Variants in HECW1 observed in about 807,000 individuals in gnomAD.
HECW1 encodes the protein E3 ubiquitin-protein ligase HECW1.
HECW1 carries 61 observed loss-of-function variants against 182.3 expected under a neutral mutation model. The ratio of observed to expected loss-of-function variants is 0.33; its 90% CI spans 0.27 to 0.41. The LOEUF (loss-of-function observed/expected upper bound fraction) is 0.41, where lower values mean the gene tolerates loss of function less well. HECW1 is among the 10% of genes least tolerant of loss of function. The probability of loss-of-function intolerance (pLI) is 1.00; values close to 1 mark genes in which losing one functional copy is unlikely to be tolerated. For synonymous variants in HECW1, 859 were observed against 832.6 expected (o/e 1.03, Z -0.55); for missense variants, 1,739 against 2,108.9 (o/e 0.82, Z 3.44).
intron 27 of HECW1, among the ~76,000 whole-genome samples, chr7:43,550,867 G>A (rs762791629): frequency 6.6e-6 from 1 of 152,236 alleles, no homozygotes; most frequent in South Asian, 2.1e-4. Context: ...CGTGCCAGAC[G>A]TGAAAACATC....
chr7:43,337,195 GCCAACATC>G (rs1812405085), intron 5 of HECW1, among the ~76,000 whole-genome samples: 1 of 152,082 alleles, frequency 6.6e-6, no homozygotes, highest in Admixed American at 6.6e-5. Flanking sequence ...CTGCAACCAT[GCCAACATC>G]CATTGTTTTT....
At chr7:43,187,042 A>T (rs73099645) in intron 2 of HECW1, among the ~76,000 whole-genome samples, 1 of 151,994 alleles carries the variant, frequency 6.6e-6, no homozygotes, top group African/African-American at 2.4e-5. Context: ...TCAGTCTCTC[A>T]TGAGGTTGCA....
intron 2 of HECW1, among the ~76,000 whole-genome samples, chr7:43,116,301 C>G (rs1785043665): frequency 6.6e-6 from 1 of 152,182 alleles, no homozygotes; most frequent in African/African-American, 2.4e-5. Context: ...TTCTGTCTTG[C>G]TCTGGCCTTA....
At chr7:43,185,699 A>G (rs1354955421) in intron 2 of HECW1, among the ~76,000 whole-genome samples, 1 of 152,220 alleles carries the variant, frequency 6.6e-6, no homozygotes, top group Non-Finnish European at 1.5e-5. Flanking sequence ...TATATTTAAT[A>G]GTAGAATTTC....
chr7:43,152,760 C>G (rs1789474623), intron 2 of HECW1, among the ~76,000 whole-genome samples: 1 of 152,136 alleles, frequency 6.6e-6, no homozygotes, highest in Admixed American at 6.5e-5. Flanking sequence ...GTGGAGCTCA[C>G]TTCATTCCGG....
At position 43,444,195 on chromosome 7, in the gene HECW1, C is replaced by A; in HGVS notation, c.1046-23C>A. ...CAATGCTCTCTTCTGGGAGAAATGA[C>A]ATATTTTTCTTCTTACCAGCAGATG... is the stretch of plus-strand genomic sequence containing the variant. On this transcript the variant is annotated intron_variant, in intron 10 of 29. Coordinates refer to ENST00000395891, the MANE Select transcript of HECW1 (RefSeq NM_015052.5). This position sits in a 1 kb window ranked among gnomAD's most constrained non-coding sequence, Gnocchi z 4.3. 2 of 1,578,982 alleles carry A rather than the reference C, an allele frequency of 1.3e-6. No homozygotes were observed. Among genetic ancestry groups the A allele is most frequent in the Non-Finnish European group, 1.7e-6 (2 of 1,160,126 alleles).
chr7:43,152,194 A>G (rs1178113060), intron 2 of HECW1, among the ~76,000 whole-genome samples: 1 of 45,684 alleles, frequency 2.2e-5, no homozygotes, highest in Non-Finnish European at 3.9e-5. Context: ...GTTAATGCAT[A>G]ATTTCTGGGA....
chr7:43,196,936 T>C lies in HECW1; in HGVS notation c.-31-46939T>C, dbSNP rs539915715. Among the ~76,000 whole-genome samples, 41 of 152,300 alleles carry C rather than the reference T, an allele frequency of 2.7e-4. No individual in the cohort carries two copies. The South Asian group carries it at 8.3e-3, about 31-fold the overall frequency. On this transcript the variant is annotated intron_variant, in intron 2 of 29. Coordinates refer to ENST00000395891, the MANE Select transcript of HECW1 (RefSeq NM_015052.5). Reference sequence around the variant, plus strand: ...TGAGCCATTTTTTTAAGTATATACATGGTAGTGTGTGCATCATATTCATTT... The same window carrying C: ...TGAGCCATTTTTTTAAGTATATACACGGTAGTGTGTGCATCATATTCATTT...
intron 27 of HECW1, among the ~76,000 whole-genome samples, chr7:43,550,815 A>G (rs2081790396): frequency 6.6e-6 from 1 of 152,210 alleles, no homozygotes; most frequent in South Asian, 2.1e-4. Flanking sequence ...CTCAACTCTT[A>G]TGGGTGAAAA....
At position 43,136,070 on chromosome 7, in the gene HECW1, C is replaced by CT. The variant is rs60008296; in HGVS notation, c.-32+21689dup. ...AATTGCACTCCCTATCTGTATTCAACTTTTTTTTTTCTCAGTTTATTCACC... is the reference window on the plus strand; with the variant it reads ...AATTGCACTCCCTATCTGTATTCAACTTTTTTTTTTTCTCAGTTTATTCACC... On this transcript the variant is annotated intron_variant, in intron 2 of 29. Coordinates refer to ENST00000395891, the MANE Select transcript of HECW1 (RefSeq NM_015052.5). Among the ~76,000 whole-genome samples the CT allele has an allele frequency of 0.015, 2,274 of 147,054 alleles. 250 individuals are homozygous for CT. In the East Asian group the frequency reaches 0.29, roughly 19 times the overall value.
chr7:43,364,797 G>A lies in HECW1; in HGVS notation c.555+3817G>A, dbSNP rs140216828. 1.5e-3 allele frequency among the ~76,000 whole-genome samples: 236 copies of A among 152,288 alleles called. 1 individual carries two copies. The East Asian group carries it at 0.036, about 23-fold the overall frequency. ...GTGTCTTATTAGTAGCACCTATCAC[G>A]TTTTATGTCTTTCTTTTATTTTCTG... On this transcript the variant is annotated intron_variant, in intron 6 of 29. Coordinates refer to ENST00000395891, the MANE Select transcript of HECW1 (RefSeq NM_015052.5).
At chr7:43,113,142 C>T (rs1008008724) in intron 1 of HECW1, among the ~76,000 whole-genome samples, 1 of 152,134 alleles carries the variant, frequency 6.6e-6, no homozygotes, top group South Asian at 2.1e-4. Flanking sequence ...CCGGCATCCC[C>T]GGGTGGCGAC....
Position 43,438,001 on chromosome 7 carries a change from A to T in HECW1, c.802-2A>T. 6.2e-7 allele frequency: 1 copy of T among 1,613,998 alleles called. No individual in the cohort carries two copies. The highest frequency in any genetic ancestry group is 8.5e-7 in the Non-Finnish European group (1 of 1,179,936). On this transcript the variant is annotated splice_acceptor_variant, in intron 8 of 29. Transcript: ENST00000395891. LOFTEE classifies it high-confidence loss of function. ...TTGATGTGACATATTCTTTCATTGC[A>T]GCAATTCAGTTTTGTGTCCTTGCCC...
chr7:43,502,567 C>T (rs536831331), intron 21 of HECW1, among the ~76,000 whole-genome samples: 8 of 152,100 alleles, frequency 5.3e-5, no homozygotes, highest in Non-Finnish European at 8.8e-5. Flanking sequence ...GAGGCTAAGG[C>T]GGGATCTCTT....
chr7:43,336,141 TCTTTCTC>T (rs1812205688), intron 5 of HECW1, among the ~76,000 whole-genome samples: 2 of 64,582 alleles, frequency 3.1e-5, no homozygotes, highest in Non-Finnish European at 5.8e-5. Context: ...TCTCTCTCTC[TCTTTCTC>T]TCTCTCTCTC....
intron 2 of HECW1, among the ~76,000 whole-genome samples, chr7:43,137,125 A>G (rs966066641): frequency 6.6e-6 from 1 of 152,084 alleles, no homozygotes; most frequent in Non-Finnish European, 1.5e-5. Context: ...CCTCCTTTCC[A>G]TTCTCACTGC....
chr7:43,450,109 T>C (rs2077183471), intron 11 of HECW1, among the ~76,000 whole-genome samples: 1 of 152,224 alleles, frequency 6.6e-6, no homozygotes, highest in Admixed American at 6.5e-5. Context: ...TGAGCTTTCC[T>C]GTCGCCGTCT....
intron 24 of HECW1, among the ~76,000 whole-genome samples, chr7:43,526,803 C>G (rs769347877): frequency 6.6e-6 from 1 of 152,160 alleles, no homozygotes; most frequent in Non-Finnish European, 1.5e-5. Context: ...GAGTTTGAGA[C>G]TACCCTGGGC....
intron 2 of HECW1, among the ~76,000 whole-genome samples, chr7:43,222,243 A>T (rs577750951): frequency 2.6e-5 from 4 of 152,210 alleles, no homozygotes; most frequent in Admixed American, 2.0e-4. Flanking sequence ...GCCTGGATCC[A>T]TTCAGAGAAC....
Sources: allele counts gnomAD v4.1 joint callset (sites outside exome capture counted in the v4.1 genomes callset), GRCh38; gene constraint gnomAD v4.1.1; non-coding constraint Gnocchi (gnomAD v3.1); transcripts MANE v1.5; gene names NCBI Gene and HGNC (gene_info 2026-07-23, HGNC 2026-07-21).